PAM: variants seen among roughly 807,000 people sequenced by gnomAD.
PAM encodes the protein peptidylglycine alpha-amidating monooxygenase, also known as peptidyl-glycine alpha-amidating monooxygenase.
A neutral mutation model predicts 122.1 loss-of-function variants in PAM; 72 were observed. The ratio of observed to expected loss-of-function variants is 0.59; its 90% CI spans 0.49 to 0.72. PAM has a LOEUF of 0.72. Ranked by LOEUF, PAM falls within the 30% of genes least tolerant of loss-of-function variation. The pLI is 0.00. For missense variants in PAM, 1,106 were observed against 1,183.7 expected, an observed-to-expected ratio of 0.93 and a Z score of 0.96; for synonymous variants, 389 against 404.4, an observed-to-expected ratio of 0.96 and a Z score of 0.46.
At chr5:102,821,461 T>C (rs531865878) in intron 1 of PAM, among the ~76,000 whole-genome samples, 10 of 152,190 alleles carry the variant, frequency 6.6e-5, no homozygotes, top group Admixed American at 1.3e-4. Context: ...TGGGCCAGTT[T>C]TATTTTGTGT....
At chr5:102,872,011 T>C (rs1458287874) in intron 3 of PAM, among the ~76,000 whole-genome samples, 1 of 152,084 alleles carries the variant, frequency 6.6e-6, no homozygotes, top group Non-Finnish European at 1.5e-5. Flanking sequence ...TCTTAAAGCC[T>C]TATATTAATT....
intron 3 of PAM, among the ~76,000 whole-genome samples, chr5:102,868,178 A>G (rs1211666950): frequency 1.3e-5 from 2 of 152,364 alleles, no homozygotes; most frequent in East Asian, 3.9e-4. Context: ...AGGGCTGCAG[A>G]GACAGGGAAA....
chr5:102,932,988 A>G (rs1752095111), intron 7 of PAM, among the ~76,000 whole-genome samples: 1 of 152,190 alleles, frequency 6.6e-6, no homozygotes, highest in African/African-American at 2.4e-5. Context: ...CACACAACGC[A>G]CTACATGGAG....
chr5:103,024,500 C>A (rs1391469017), intron 23 of PAM, among the ~76,000 whole-genome samples: 1 of 152,110 alleles, frequency 6.6e-6, no homozygotes, highest in African/African-American at 2.4e-5. Context: ...GCACATAGTT[C>A]CTTTTTTCTT....
chr5:102,794,822 T>G (rs1051978825), intron 1 of PAM, among the ~76,000 whole-genome samples: 2 of 152,142 alleles, frequency 1.3e-5, no homozygotes, highest in African/African-American at 4.8e-5. Context: ...GTTGTTTACT[T>G]AGGTTATTTG....
At chr5:102,983,892 G>C (rs1005527058) in intron 15 of PAM, among the ~76,000 whole-genome samples, 1 of 152,168 alleles carries the variant, frequency 6.6e-6, no homozygotes, top group Admixed American at 6.6e-5. Flanking sequence ...TATATTCAAA[G>C]TGTTAAAAGC....
intron 4 of PAM, among the ~76,000 whole-genome samples, chr5:102,907,421 G>T (rs533294591): frequency 4.0e-5 from 6 of 150,998 alleles, no homozygotes; most frequent in Admixed American, 3.3e-4. Flanking sequence ...GAATAGTGCC[G>T]CAATAAACAT....
chr5:102,844,668 C>A (rs1404779797), intron 1 of PAM, among the ~76,000 whole-genome samples: 2 of 151,292 alleles, frequency 1.3e-5, no homozygotes, highest in Non-Finnish European at 2.9e-5. Context: ...CTCTGTCTCT[C>A]TTAAAATATA....
At chr5:103,018,471 A>T (rs747491845) in intron 22 of PAM, among the ~76,000 whole-genome samples, 1 of 152,172 alleles carries the variant, frequency 6.6e-6, no homozygotes, top group Admixed American at 6.5e-5. Context: ...GTTGTGTAAA[A>T]AGAACCAAGT....
intron 5 of PAM, 63 bp from the exon 6 acceptor site, chr5:102,924,893 TG>T: frequency 1.1e-6 from 1 of 872,750 alleles, no homozygotes; most frequent in Non-Finnish European, 2.0e-6. Flanking sequence ...CCTCCCACCA[TG>T]GGGAGCAATT....
At chr5:102,877,297 C>G (rs775411333) in intron 3 of PAM, among the ~76,000 whole-genome samples, 57 of 152,108 alleles carry the variant, frequency 3.7e-4, no homozygotes, top group Non-Finnish European at 6.0e-4. Context: ...TAGCAAGTAG[C>G]TAATGCAAGG....
intron 3 of PAM, among the ~76,000 whole-genome samples, chr5:102,882,183 G>A (rs1231637060): frequency 1.4e-5 from 2 of 144,584 alleles, no homozygotes; most frequent in Non-Finnish European, 3.0e-5. Context: ...CAATTGCGAA[G>A]TGTTCAAGTA....
At chr5:102,925,788 A>G (rs1255329430) in intron 6 of PAM, among the ~76,000 whole-genome samples, 4 of 152,144 alleles carry the variant, frequency 2.6e-5, no homozygotes. Flanking sequence ...TTAAAAAAAA[A>G]AAAAAGTATA....
In PAM at chr5:102,973,879, T is replaced by C. The variant is rs113444829; in HGVS notation, c.1163-237T>C. 6.3e-3 allele frequency among the ~76,000 whole-genome samples: 954 copies of C among 152,312 alleles called. 6 individuals are homozygous for C. Among genetic ancestry groups the C allele is most frequent in the African/African-American group, 0.022 (912 of 41,572 alleles). On this transcript the variant is annotated intron_variant, in intron 14 of 25. Transcript: ENST00000438793. ...GCCATGCAATTACATAAGCATTATT[T>C]TTTCTACTAATATGTCAATAGATGT...
chr5:102,946,831 T>C lies in PAM; in HGVS notation c.527-6T>C. On this transcript the variant is annotated splice_polypyrimidine_tract_variant and splice_region_variant and intron_variant, in intron 7 of 25. Transcript: ENST00000438793. ...TTAAGATATGTGTTTCTATGTGTGT[T>C]TTCAGATAATAACAAGGACTGTTCT... is the stretch of plus-strand genomic sequence containing the variant. The C allele has an allele frequency of 6.4e-7, 1 of 1,567,944 alleles. No individual in the cohort carries two copies.
chr5:102,978,549 G>A (rs1378189719), intron 15 of PAM, among the ~76,000 whole-genome samples: 1 of 152,094 alleles, frequency 6.6e-6, no homozygotes, highest in African/African-American at 2.4e-5. Context: ...ACTTGCATGT[G>A]GAAGCCTGAT....
intron 3 of PAM, among the ~76,000 whole-genome samples, chr5:102,885,926 A>T (rs1792939742): frequency 1.3e-5 from 2 of 151,962 alleles, no homozygotes; most frequent in Non-Finnish European, 2.9e-5. Context: ...ACAAAAGCCA[A>T]ATCTAGCACT....
intron 14 of PAM, among the ~76,000 whole-genome samples, chr5:102,963,818 T>C (rs1272264805): frequency 6.6e-6 from 1 of 151,188 alleles, no homozygotes; most frequent in African/African-American, 2.4e-5. Context: ...TGTGTGTATA[T>C]ATGCACATAC....
At chr5:102,866,570 T>G in intron 2 of PAM, 1 of 413,572 alleles carries the variant, frequency 2.4e-6, no homozygotes, top group African/African-American at 2.1e-5. Flanking sequence ...CGCTTAGTTT[T>G]GAATGCCTGC....
Sources: gnomAD v4.1 joint callset for allele counts (sites outside exome capture counted in the v4.1 genomes callset) on GRCh38, gnomAD v4.1.1 for gene constraint, MANE v1.5 for transcripts, NCBI Gene and HGNC (gene_info 2026-07-23, HGNC 2026-07-21) for gene names.